Variants in CCDC3 observed in about 807,000 individuals in gnomAD.
CCDC3 encodes the protein coiled-coil domain containing 3, also known as coiled-coil domain-containing protein 3.
Under a neutral mutation model 21.4 loss-of-function variants are expected in CCDC3, and 24 were observed. That is an observed-to-expected ratio of 1.12 (90% CI 0.81 to 1.58). The LOEUF is 1.58. Ranked by LOEUF, CCDC3 falls within the 40% of genes most tolerant of loss-of-function variation. The pLI is 0.00. For missense variants in CCDC3, 425 were observed against 360.9 expected (o/e 1.18, Z -1.44); for synonymous variants, 186 against 166.0 (o/e 1.12, Z -0.93).
At chr10:12,935,250 GCT>G (rs1395535420) in intron 2 of CCDC3, among the ~76,000 whole-genome samples, 1 of 152,062 alleles carries the variant, frequency 6.6e-6, no homozygotes, top group Admixed American at 6.6e-5. Flanking sequence ...ACAGAATTTT[GCT>G]CTGTCACCCA....
chr10:13,003,105 A>G (rs1835879185), upstream of CCDC3, among the ~76,000 whole-genome samples: 1 of 152,198 alleles, frequency 6.6e-6, no homozygotes, highest in Non-Finnish European at 1.5e-5. Context: ...TATATGAGCT[A>G]TTTAGCAGGT....
chr10:12,996,027 T>C (rs1034221706), intron 2 of CCDC3, among the ~76,000 whole-genome samples: 6 of 152,212 alleles, frequency 3.9e-5, no homozygotes, highest in Non-Finnish European at 5.9e-5. Flanking sequence ...AAATCTATTA[T>C]ATAGTCATAT....
At chr10:13,055,992 C>A (rs1588408707) in intron 4 of CCDC3, among the ~76,000 whole-genome samples, 2 of 152,298 alleles carry the variant, frequency 1.3e-5, no homozygotes, top group South Asian at 4.1e-4. Flanking sequence ...AACATGGATA[C>A]TTCCTATGAA....
At chr10:13,014,152 A>G (rs1286521100) in intron 5 of CCDC3, among the ~76,000 whole-genome samples, 1 of 151,312 alleles carries the variant, frequency 6.6e-6, no homozygotes, top group Non-Finnish European at 1.5e-5. Flanking sequence ...CTCCATCTCA[A>G]AAAAAAGAAA....
At position 12,906,368 on chromosome 10, in the gene CCDC3, C is replaced by A. The variant is rs530842408; in HGVS notation, c.550-7689G>T. 2.7e-3 allele frequency among the ~76,000 whole-genome samples: 413 copies of A among 152,238 alleles called. 2 individuals are homozygous for A. Among genetic ancestry groups the A allele is most frequent in the African/African-American group, 9.4e-3 (390 of 41,542 alleles). On this transcript the variant is annotated intron_variant, in intron 2 of 2. Transcript: ENST00000378825. ...GCCCAGGCTGTGGCGGGAGGGGAGG[C>A]AAATGAAGAGGAAGGCGGAGATGGA...
intron 2 of CCDC3, among the ~76,000 whole-genome samples, chr10:12,981,519 A>T (rs1835496795): frequency 2.0e-5 from 3 of 152,202 alleles, no homozygotes; most frequent in African/African-American, 4.8e-5. Flanking sequence ...AGCATATCAT[A>T]TACTGAGGCT....
chr10:12,958,377 C>T (rs1371092868), intron 2 of CCDC3, among the ~76,000 whole-genome samples: 2 of 152,084 alleles, frequency 1.3e-5, no homozygotes, highest in Non-Finnish European at 2.9e-5. Flanking sequence ...TGCCAAAAAC[C>T]AGACGACCTG....
chr10:13,088,743 C>T (rs544034335), intron 3 of CCDC3, among the ~76,000 whole-genome samples: 2 of 152,308 alleles, frequency 1.3e-5, no homozygotes, highest in African/African-American at 4.8e-5. Flanking sequence ...TGAATATTAG[C>T]TGGGCGCAGT....
At chr10:12,941,894 G>A (rs1834836897) in intron 2 of CCDC3, among the ~76,000 whole-genome samples, 1 of 152,180 alleles carries the variant, frequency 6.6e-6, no homozygotes, top group Non-Finnish European at 1.5e-5. Flanking sequence ...CCAGGAATAG[G>A]AGGAGGACTA....
At chr10:13,043,529 G>C (rs925635005) in intron 5 of CCDC3, among the ~76,000 whole-genome samples, 1 of 152,152 alleles carries the variant, frequency 6.6e-6, no homozygotes, top group Non-Finnish European at 1.5e-5. Context: ...GGAGGTGGAG[G>C]TTGCAGTGAG....
intron 3 of CCDC3, among the ~76,000 whole-genome samples, chr10:13,095,871 G>A (rs1171673832): frequency 2.6e-5 from 4 of 152,112 alleles, no homozygotes. Flanking sequence ...TTCAAATTTA[G>A]TATATTTCCA....
At chr10:12,905,270 C>T (rs1005289653) in intron 2 of CCDC3, among the ~76,000 whole-genome samples, 2 of 152,184 alleles carry the variant, frequency 1.3e-5, no homozygotes, top group African/African-American at 4.8e-5. Context: ...TTTATTAGAC[C>T]ACAGCTATAC....
At chr10:13,077,879 A>C (rs568293159) in intron 3 of CCDC3, among the ~76,000 whole-genome samples, 2 of 152,370 alleles carry the variant, frequency 1.3e-5, no homozygotes, top group East Asian at 1.9e-4. Context: ...TAAATACTTA[A>C]ATGTTAGACC....
chr10:12,983,623 T>A (rs1835540826), intron 2 of CCDC3, among the ~76,000 whole-genome samples: 1 of 141,588 alleles, frequency 7.1e-6, no homozygotes. Context: ...TTCAACATAC[T>A]ACAAAGGGAA....
chr10:13,057,646 A>G (rs636112), intron 4 of CCDC3, among the ~76,000 whole-genome samples: 111,697 of 152,048 alleles, frequency 0.73, 41,250 homozygotes, highest in African/African-American at 0.79. Flanking sequence ...TTGGAAGGCC[A>G]AGGCAGACAG....
At chr10:13,000,091 T>C (rs965548669) in intron 1 of CCDC3, among the ~76,000 whole-genome samples, 2 of 152,206 alleles carry the variant, frequency 1.3e-5, no homozygotes, top group African/African-American at 2.4e-5. Flanking sequence ...CTCAGAGAAA[T>C]GCGAGCTAAA....
chr10:12,897,093 T>TG lies in CCDC3; in HGVS notation c.*1322dup, dbSNP rs11358346. The TG allele has an allele frequency of 7.9e-5, 12 of 152,412 alleles. No individual in the cohort carries two copies. The highest frequency in any genetic ancestry group is 2.9e-4 in the African/African-American group (12 of 41,442). 9.4% of individuals were successfully genotyped at this position (152,412 alleles called of 1,614,324 possible). ...CAGCATCACCAGGCCCTGCAGTGTC[T>TG]GGGGGGGGTCTCTGGGGGGCAGATC... On this transcript the variant is annotated 3_prime_UTR_variant, in exon 3 of 3. Transcript: ENST00000378825.
At chr10:12,993,755 A>G (rs1480264287) in intron 2 of CCDC3, among the ~76,000 whole-genome samples, 2 of 152,138 alleles carry the variant, frequency 1.3e-5, no homozygotes. Context: ...AACACGTACT[A>G]ACACTGCTGA....
chr10:12,935,612 CTT>C (rs1365870086), intron 2 of CCDC3, among the ~76,000 whole-genome samples: 9 of 151,580 alleles, frequency 5.9e-5, no homozygotes, highest in Admixed American at 5.9e-4. Flanking sequence ...AACTTCAACT[CTT>C]TTTTATTGGT....
Sources: gnomAD v4.1 joint callset for allele counts (sites outside exome capture counted in the v4.1 genomes callset) on GRCh38, gnomAD v4.1.1 for gene constraint, MANE v1.5 for transcripts, NCBI Gene and HGNC (gene_info 2026-07-23, HGNC 2026-07-21) for gene names.